The following MCF2L2 variants were observed in gnomAD, a reference collection of about 807,000 sequenced individuals.
MCF2L2 encodes the protein probable guanine nucleotide exchange factor MCF2L2.
A neutral mutation model predicts 150.2 loss-of-function variants in MCF2L2; 102 were observed. The observed-to-expected ratio is 0.68, with a 90% CI of 0.58 to 0.80. The LOEUF is 0.80. MCF2L2 is among the 30% of genes least tolerant of loss of function. The pLI is 0.00. For synonymous variants in MCF2L2, 465 were observed against 491.3 expected, an observed-to-expected ratio of 0.95 and a Z score of 0.71; for missense variants, 1,256 against 1,372.8, an observed-to-expected ratio of 0.91 and a Z score of 1.34.
At position 183,379,068 on chromosome 3, in the gene MCF2L2, C is replaced by A. The variant is rs1713362670; in HGVS notation, c.275+229G>T. ...ATCCACCCGACCATGTTTACTCTGT[C>A]CCTCCTGTGTGCACAAGAGAGTCAA... is the stretch of plus-strand genomic sequence containing the variant. On this transcript the variant is annotated intron_variant, in intron 3 of 29. Transcript: ENST00000328913. 2.9e-5 allele frequency: 14 copies of A among 476,710 alleles called. No homozygotes were observed. In the East Asian group the frequency reaches 5.4e-4, roughly 18 times the overall value. The allele number at this position is 476,710 out of a possible 1,614,324, so 29.5% of individuals were successfully genotyped here.
At chr3:183,391,117 A>G (rs1163855408) in intron 1 of MCF2L2, among the ~76,000 whole-genome samples, 1 of 152,150 alleles carries the variant, frequency 6.6e-6, no homozygotes, top group Admixed American at 6.5e-5. Flanking sequence ...GTCCTCTCTG[A>G]GTCTTGGTCT....
chr3:183,206,872 AAAAG>A (rs891500376), intron 23 of MCF2L2, among the ~76,000 whole-genome samples: 11 of 151,658 alleles, frequency 7.3e-5, no homozygotes, highest in Admixed American at 3.9e-4. Flanking sequence ...CTGTCGAAAG[AAAAG>A]AAAGAAAGAA....
chr3:183,292,063 G>C (rs1043330983), intron 13 of MCF2L2, among the ~76,000 whole-genome samples: 9 of 149,664 alleles, frequency 6.0e-5, no homozygotes, highest in Admixed American at 2.0e-4. Context: ...GTGTGTGCAA[G>C]TGTGTGAGAG....
At chr3:183,263,523 T>C (rs1475129793) in intron 15 of MCF2L2, among the ~76,000 whole-genome samples, 1 of 152,096 alleles carries the variant, frequency 6.6e-6, no homozygotes, top group East Asian at 1.9e-4. Flanking sequence ...CCTTTTTTCA[T>C]TGACTCCTCC....
At chr3:183,228,239 AACG>A (rs1431344346) in intron 18 of MCF2L2, 55 bp downstream of exon 18, 1 of 1,321,868 alleles carries the variant, frequency 7.6e-7, no homozygotes, top group Non-Finnish European at 1.1e-6. Context: ...CTTGCCACTT[AACG>A]CAGAAATGTA....
At chr3:183,418,908 C>G (rs1715733367) in intron 1 of MCF2L2, among the ~76,000 whole-genome samples, 1 of 152,240 alleles carries the variant, frequency 6.6e-6, no homozygotes, top group South Asian at 2.1e-4. Context: ...GATGGTGGCC[C>G]TCTTCTCACA....
At chr3:183,231,920 G>A (rs1230796316) in intron 15 of MCF2L2, among the ~76,000 whole-genome samples, 2 of 152,186 alleles carry the variant, frequency 1.3e-5, no homozygotes, top group African/African-American at 4.8e-5. Context: ...AGATGTGGTG[G>A]ACAGAATTTA....
intron 15 of MCF2L2, among the ~76,000 whole-genome samples, chr3:183,266,867 A>G (rs191537939): frequency 2.1e-4 from 32 of 151,484 alleles, no homozygotes; most frequent in African/African-American, 7.8e-4. Flanking sequence ...GCTCATTGCA[A>G]CCTCCACCTT....
At chr3:183,219,643 A>G (rs1208098331) in intron 21 of MCF2L2, among the ~76,000 whole-genome samples, 3 of 151,906 alleles carry the variant, frequency 2.0e-5, no homozygotes, top group Admixed American at 6.6e-5. Context: ...GGAAGAAAAT[A>G]TATTACCACT....
At chr3:183,247,690 CAATT>C (rs904228041) in intron 15 of MCF2L2, among the ~76,000 whole-genome samples, 28 of 152,142 alleles carry the variant, frequency 1.8e-4, no homozygotes, top group African/African-American at 6.5e-4. Flanking sequence ...AACAATATAA[CAATT>C]AAAATAATGC....
rs41358547 is a variant in MCF2L2, at chr3:183,389,574, C to T, written c.160+122G>A. On this transcript the variant is annotated intron_variant, in intron 2 of 29. Transcript: ENST00000328913. ...GATAGGCCTCAGCCTGTTCTAGTCC[C>T]GGGTGAAGCCTAAGGGGTGAGTGAG... The T allele has an allele frequency of 0.014, 11,305 of 785,838 alleles. 897 individuals are homozygous for T. In the African/African-American group the frequency reaches 0.17, roughly 12 times the overall value. 48.7% of individuals were successfully genotyped at this position (785,838 alleles called of 1,614,324 possible).
intron 3 of MCF2L2, among the ~76,000 whole-genome samples, chr3:183,350,258 A>G (rs890227878): frequency 4.6e-5 from 7 of 152,128 alleles, no homozygotes; most frequent in South Asian, 2.1e-4. Context: ...TCATCCTCCC[A>G]TAAGGTATAC....
At chr3:183,395,917 C>CAAAAAAA (rs11338932) in intron 1 of MCF2L2, among the ~76,000 whole-genome samples, 14 of 58,098 alleles carry the variant, frequency 2.4e-4, no homozygotes, top group African/African-American at 2.8e-4. Flanking sequence ...GACATCGTCT[C>CAAAAAAA]AAAAAAAAAA....
At chr3:183,191,910 G>A (rs1244501324) in intron 27 of MCF2L2, among the ~76,000 whole-genome samples, 16 of 150,414 alleles carry the variant, frequency 1.1e-4, no homozygotes, top group African/African-American at 2.7e-4. Flanking sequence ...GCGTGATCTC[G>A]GCTCACTGCA....
intron 13 of MCF2L2, among the ~76,000 whole-genome samples, chr3:183,294,759 G>GA (rs1728389512): frequency 1.3e-5 from 2 of 151,676 alleles, no homozygotes; most frequent in African/African-American, 4.9e-5. Context: ...CTCCCGAGTA[G>GA]CTGGGACTAC....
At chr3:183,252,975 AG>A (rs1724638304) in intron 15 of MCF2L2, among the ~76,000 whole-genome samples, 1 of 152,226 alleles carries the variant, frequency 6.6e-6, no homozygotes, top group African/African-American at 2.4e-5. Flanking sequence ...AGTATTCTAA[AG>A]GAGGAAAATA....
intron 10 of MCF2L2, among the ~76,000 whole-genome samples, chr3:183,303,191 C>T (rs1044409756): frequency 7.7e-6 from 1 of 129,406 alleles, no homozygotes; most frequent in African/African-American, 3.9e-5. Context: ...GAGACTCTGT[C>T]TCCAAAAAAA....
chr3:183,179,683 G>A lies in MCF2L2; in HGVS notation c.3115C>T (p.Leu1039Phe), dbSNP rs1560327395. 1 of 1,614,006 alleles carries A rather than the reference G, an allele frequency of 6.2e-7. No individual in the cohort carries two copies. Among genetic ancestry groups the A allele is most frequent in the African/African-American group, 1.3e-5 (1 of 75,056 alleles). The change falls in exon 29 of 30, where the codon CTT becomes TTT. Residue 1039 changes from leucine to phenylalanine, a missense_variant. Physicochemically the swap from Leu to Phe is conservative, Grantham distance 22 (BLOSUM62 0). Coordinates refer to ENST00000328913, the MANE Select transcript of MCF2L2 (RefSeq NM_015078.4). This position sits in a 1 kb window ranked among gnomAD's most constrained non-coding sequence, Gnocchi z 4.2. ...KESSALSLAG[L>F]FQSDDSHETC... ...TCGTGACTGTCGTCCGACTGGAAAA[G>A]GCCCGCGAGCTGGAAGGGAGGGGAC...
At chr3:183,272,826 G>A (rs765569853) in intron 15 of MCF2L2, 17 of 1,221,596 alleles carry the variant, frequency 1.4e-5, no homozygotes, top group Non-Finnish European at 1.8e-5. Flanking sequence ...GGTTGCCATT[G>A]GTTGAAAACA....
Sources: gnomAD v4.1 joint callset for allele counts (sites outside exome capture counted in the v4.1 genomes callset) on GRCh38, gnomAD v4.1.1 for gene constraint, Gnocchi (gnomAD v3.1) non-coding constraint, MANE v1.5 for transcripts, NCBI Gene and HGNC (gene_info 2026-07-23, HGNC 2026-07-21) for gene names.